The following ZDHHC24 variants were observed in gnomAD, a reference collection of about 807,000 sequenced individuals.
ZDHHC24 encodes the protein zDHHC palmitoyltransferase 24.
ZDHHC24 carries 17 observed loss-of-function variants against 23.2 expected under a neutral mutation model. That is an observed-to-expected ratio of 0.73 (90% CI 0.50 to 1.10). The LOEUF is 1.10. ZDHHC24 is among the 50% of genes least tolerant of loss of function. ZDHHC24 has a pLI of 0.00. For missense variants in ZDHHC24, 366 were observed against 393.0 expected (o/e 0.93, Z 0.58); for synonymous variants, 186 against 194.5 (o/e 0.96, Z 0.36).
exon 4 of ZDHHC24, chr11:66,526,978 C>T: frequency 6.5e-7 from 1 of 1,546,066 alleles, no homozygotes; most frequent in Non-Finnish European, 8.7e-7. Context: ...ACGTTGCCTG[C>T]AAATCACTGT....
chr11:66,523,545 C>G lies in ZDHHC24; in HGVS notation c.*22-2079G>C, dbSNP rs1340024264. ...CACAAGGTCCTAGTGGTGGGCAGCA[C>G]CCAAGACAGCCTGCATGGCTTCACC... On this transcript the variant is annotated intron_variant, in intron 4 of 4. Transcript: ENST00000526986. 1.9e-6 allele frequency: 3 copies of G among 1,614,030 alleles called. No homozygotes were observed. The African/African-American group carries it at 4.0e-5, about 22-fold the overall frequency.
Position 66,537,926 on chromosome 11 carries a change from C to CAAATAAAATAAAATAAAATAAAATA in ZDHHC24, c.*1578_*1602dup, listed in dbSNP as rs111422692. On this transcript the variant is annotated 3_prime_UTR_variant, in exon 3 of 3. Transcript: ENST00000310442. ...CTGGCAACAGAACAAGAGTCTGTCT[C>CAAATAAAATAAAATAAAATAAAATA]AAATAAAATAAAATAAAATAAAATA... 7.1e-6 allele frequency: 1 copy of CAAATAAAATAAAATAAAATAAAATA among 140,068 alleles called. No homozygotes were observed. The highest frequency in any genetic ancestry group is 2.7e-5 in the African/African-American group (1 of 37,672). The allele number at this position is 140,068 out of a possible 1,614,324, so 8.7% of individuals were successfully genotyped here. A position where few individuals can be genotyped will look rare whatever the true frequency, so the allele number is the denominator to read the frequency against.
downstream of ZDHHC24, chr11:66,531,536 T>C: frequency 7.6e-7 from 1 of 1,314,336 alleles, no homozygotes; most frequent in Non-Finnish European, 1.1e-6. Context: ...ACCCAGCAGT[T>C]GTCCTGCCCA....
chr11:66,545,670 C>T lies in ZDHHC24; in HGVS notation c.281+53G>A. ...TAACATCTCAGGTCTTGGGGCCCCT[C>T]CCCCCTGTCCAAGGCTCCCACTTCT... On this transcript the variant is annotated intron_variant, in intron 1 of 2. Transcript: ENST00000310442. The surrounding 1 kb of genome is among the most constrained non-coding windows in gnomAD (Gnocchi z 4.5). The T allele has an allele frequency of 7.0e-7, 1 of 1,432,764 alleles. No homozygotes were observed. The highest frequency in any genetic ancestry group is 1.5e-5 in the South Asian group (1 of 67,426). 88.8% of individuals were successfully genotyped at this position (1,432,764 alleles called of 1,614,324 possible).
Position 66,539,537 on chromosome 11 carries a change from C to A in ZDHHC24, c.847G>T (p.Ala283Ser). ...TCTGGCTCTTCCTGGAGTCAGGAGG[C>A]TGTGTGTCCCACATCTGCTGTGGTC... ...FQTTADVGHT[A>S]S The change falls in exon 3 of 3, where the codon GCC becomes TCC. Residue 283 changes from alanine (A) to serine (S), a missense_variant. Coordinates refer to ENST00000310442, the MANE Select transcript of ZDHHC24 (RefSeq NM_207340.3). 2 of 1,565,500 alleles carry A rather than the reference C, an allele frequency of 1.3e-6. No homozygotes were observed. The highest frequency in any genetic ancestry group is 8.7e-7 in the Non-Finnish European group (1 of 1,155,248).
intron 2 of ZDHHC24, among the ~76,000 whole-genome samples, chr11:66,541,547 A>G (rs1052694282): frequency 6.6e-6 from 1 of 152,136 alleles, no homozygotes; most frequent in African/African-American, 2.4e-5. Flanking sequence ...AGGGGGTGCA[A>G]GGCAACCCTG....
At position 66,523,511 on chromosome 11, in the gene ZDHHC24, A is replaced by T. The variant is rs1487474929; in HGVS notation, c.*22-2045T>A. On this transcript the variant is annotated intron_variant, in intron 4 of 4. Transcript: ENST00000526986. The stretch of plus-strand genomic sequence containing the variant: ...GCTGAGCGCCCAGCCTGTGGGACTT[A>T]TCCGGGTACACAAGGTCCTAGTGGT... The T allele has an allele frequency of 1.2e-6, 2 of 1,613,994 alleles. No individual in the cohort carries two copies. Among genetic ancestry groups the T allele is most frequent in the African/African-American group, 2.7e-5 (2 of 74,898 alleles).
chr11:66,523,881 C>T lies in ZDHHC24; in HGVS notation c.*22-2415G>A, dbSNP rs141255069. 5.1e-5 allele frequency: 82 copies of T among 1,612,984 alleles called. No homozygotes were observed. The African/African-American group carries it at 5.6e-4, about 11-fold the overall frequency. ...GCCCTGCTCAATGTCATCCACACCC[C>T]GGTGAGCCCCATCTCCGGCATCTGC... On this transcript the variant is annotated intron_variant, in intron 4 of 4. Coordinates refer to the ZDHHC24 transcript ENST00000526986.
At position 66,539,460 on chromosome 11, in the gene ZDHHC24, T is replaced by C; in HGVS notation, c.*69A>G. On this transcript the variant is annotated 3_prime_UTR_variant, in exon 3 of 3. Transcript: ENST00000310442. ...ATGTTAAGGTCCAACCCGACTTCCT[T>C]ACTGAGTCTAGGTGTGGGGGCCCCC... 1.4e-6 allele frequency: 2 copies of C among 1,458,268 alleles called. No individual in the cohort carries two copies. Among genetic ancestry groups the C allele is most frequent in the East Asian group, 2.4e-5 (1 of 41,284 alleles). 90.3% of individuals were successfully genotyped at this position (1,458,268 alleles called of 1,614,324 possible).
downstream of ZDHHC24, chr11:66,533,525 T>A (rs1856864561): frequency 6.6e-6 from 1 of 152,246 alleles, no homozygotes; most frequent in Non-Finnish European, 1.5e-5. Context: ...ATACTCAGAT[T>A]ACTATTTCTA....
At chr11:66,529,291 A>G (rs1459776818) in intron 3 of ZDHHC24, 1 of 1,535,104 alleles carries the variant, frequency 6.5e-7, no homozygotes, top group Admixed American at 2.0e-5. Context: ...ATGGACAGGG[A>G]GGCAGTGACG....
rs1158444129 is a variant in ZDHHC24 at position 66,537,571 on chromosome 11, C to T, written c.*1958G>A. ...AGCCAGGCGGCCGGGCACGGTGGCT[C>T]ACACCTGTAATCCCAGCACTTTGGG... On this transcript the variant is annotated 3_prime_UTR_variant, in exon 3 of 3. Coordinates refer to ENST00000310442, the MANE Select transcript of ZDHHC24 (RefSeq NM_207340.3). The T allele has an allele frequency of 1.4e-5, 2 of 145,650 alleles. No homozygotes were observed. Among genetic ancestry groups the T allele is most frequent in the Admixed American group, 6.8e-5 (1 of 14,704 alleles). 9.0% of individuals were successfully genotyped at this position (145,650 alleles called of 1,614,324 possible).
intron 4 of ZDHHC24, among the ~76,000 whole-genome samples, chr11:66,526,418 G>A (rs1444828157): frequency 6.6e-6 from 1 of 152,226 alleles, no homozygotes; most frequent in Non-Finnish European, 1.5e-5. Flanking sequence ...CCCAGTGCCT[G>A]CCACGATGCC....
Position 66,543,810 on chromosome 11 carries a change from G to A in ZDHHC24, c.453C>T (p.Leu151=), listed in dbSNP as rs1336195486. 1.2e-6 allele frequency: 2 copies of A among 1,613,532 alleles called. No individual in the cohort carries two copies. Among genetic ancestry groups the A allele is most frequent in the Admixed American group, 1.7e-5 (1 of 59,926 alleles). Residue 151 remains leucine (L), a synonymous_variant, in exon 2 of 3, where the codon CTC becomes CTT. Coordinates refer to ENST00000310442, the MANE Select transcript of ZDHHC24 (RefSeq NM_207340.3). ...CLLLHAAGVL[L]HVSVLLGPAL... ...CAGGGCCCAGCAGCACAGAGACGTG[G>A]AGCAGGACGCCGGCGGCATGAAGCA...
At chr11:66,522,754 C>A in intron 4 of ZDHHC24, 1 of 233,530 alleles carries the variant, frequency 4.3e-6, no homozygotes. Context: ...TGGTCCCTGT[C>A]CTCATGGCGA....
chr11:66,524,233 TCA>T (rs1856385463), intron 4 of ZDHHC24: 1 of 360,818 alleles, frequency 2.8e-6, no homozygotes, highest in Non-Finnish European at 5.4e-6. Context: ...TGAGCCAAGA[TCA>T]AACCATGGCA....
chr11:66,527,002 A>G, exon 4 of ZDHHC24: 2 of 1,538,058 alleles, frequency 1.3e-6, no homozygotes, highest in African/African-American at 1.4e-5. Flanking sequence ...TCAGGCTGGA[A>G]GGTGCTGTGG....
chr11:66,529,893 G>C, intron 2 of ZDHHC24: 1 of 1,608,072 alleles, frequency 6.2e-7, no homozygotes, highest in Non-Finnish European at 8.5e-7. Context: ...GCAGGCCCTC[G>C]AGTCCAGCCT....
At chr11:66,526,624 C>G (rs755359968) in intron 4 of ZDHHC24, 13 of 1,614,122 alleles carry the variant, frequency 8.1e-6, no homozygotes, top group Non-Finnish European at 1.0e-5. Flanking sequence ...GAGGACAAAT[C>G]CATTTCCACT....
Sources: gnomAD v4.1 joint callset for allele counts (sites outside exome capture counted in the v4.1 genomes callset) on GRCh38, gnomAD v4.1.1 for gene constraint, Gnocchi (gnomAD v3.1) non-coding constraint, MANE v1.5 for transcripts, NCBI Gene and HGNC (gene_info 2026-07-23, HGNC 2026-07-21) for gene names.